AKAP13: variants seen among roughly 807,000 people sequenced by gnomAD.
AKAP13 encodes the protein A-kinase anchor protein 13.
Under a neutral mutation model 264.5 loss-of-function variants are expected in AKAP13, and 80 were observed. That is an observed-to-expected ratio of 0.30 (90% CI 0.25 to 0.36). The LOEUF (loss-of-function observed/expected upper bound fraction) is 0.36. Among genes scored for constraint, AKAP13 ranks in the 10% least tolerant of loss-of-function variants. The pLI is 1.00. For missense variants in AKAP13, 3,712 were observed against 3,435.2 expected (o/e 1.08, Z -2.01); for synonymous variants, 1,380 against 1,250.2 (o/e 1.10, Z -2.19).
chr15:85,565,914 C>A (rs1567128537), intron 5 of AKAP13, among the ~76,000 whole-genome samples: 1 of 152,212 alleles, frequency 6.6e-6, no homozygotes, highest in African/African-American at 2.4e-5. Flanking sequence ...TTGTACCAAG[C>A]CATGGTCTCT....
intron 1 of AKAP13, among the ~76,000 whole-genome samples, chr15:85,404,333 C>T (rs772510195): frequency 2.6e-5 from 4 of 152,158 alleles, no homozygotes; most frequent in Admixed American, 1.3e-4. Context: ...CCTCATTGCC[C>T]ACCGAATAAA....
rs1437085783 is a variant in AKAP13, at chr15:85,581,236, T to G, written c.3168T>G (p.Ala1056=). ...CAGATGGGTCTGATGGGTCCGATGC[T>G]CTTAACTGCAGTCAGCCTTCTCCTC... ...LLPDGSDGSD[A]LNCSQPSPLD... Residue 1056 remains alanine (A), a synonymous_variant, in exon 7 of 37, where the codon GCT becomes GCG. Coordinates refer to ENST00000394518, the MANE Select transcript of AKAP13 (RefSeq NM_007200.5). 11 of 1,614,092 alleles carry G rather than the reference T, an allele frequency of 6.8e-6. No homozygotes were observed. Among genetic ancestry groups the G allele is most frequent in the Non-Finnish European group, 9.3e-6 (11 of 1,180,018 alleles).
intron 2 of AKAP13, among the ~76,000 whole-genome samples, chr15:85,501,265 T>C (rs2151092038): frequency 6.6e-6 from 1 of 152,360 alleles, no homozygotes; most frequent in South Asian, 2.1e-4. Context: ...ACAGCCAGTA[T>C]TGTTCCTCCA....
chr15:85,497,923 G>C (rs762345503), intron 2 of AKAP13, among the ~76,000 whole-genome samples: 72 of 152,224 alleles, frequency 4.7e-4, no homozygotes, highest in South Asian at 2.7e-3. Context: ...CTGTCAAGTA[G>C]GTAGGCCTAT....
chr15:85,619,435 A>G, intron 8 of AKAP13: 1 of 985,352 alleles, frequency 1.0e-6, no homozygotes, highest in Non-Finnish European at 1.2e-6. Flanking sequence ...TTCAACTTAA[A>G]TCAAAACCAA....
chr15:85,521,382 G>A (rs2076818796), intron 2 of AKAP13, 46 bp from the exon 3 acceptor site: 2 of 1,600,740 alleles, frequency 1.2e-6, no homozygotes, highest in Non-Finnish European at 1.7e-6. Flanking sequence ...AGGCTGCGAA[G>A]AGGAACCTTA....
chr15:85,691,273 A>C (rs1036838023), intron 16 of AKAP13, among the ~76,000 whole-genome samples: 7 of 152,162 alleles, frequency 4.6e-5, no homozygotes, highest in Non-Finnish European at 7.3e-5. Context: ...GTTTGAAAGG[A>C]AATTATTTCA....
At chr15:85,449,238 G>A (rs1373235185) in intron 1 of AKAP13, among the ~76,000 whole-genome samples, 1 of 152,050 alleles carries the variant, frequency 6.6e-6, no homozygotes, top group Non-Finnish European at 1.5e-5. Context: ...GGTTGCTGTT[G>A]GTATATAGGA....
intron 8 of AKAP13, among the ~76,000 whole-genome samples, chr15:85,601,188 C>CAA (rs1480352896): frequency 3.9e-5 from 6 of 152,146 alleles, no homozygotes; most frequent in Non-Finnish European, 8.8e-5. Flanking sequence ...AAGAGTTACT[C>CAA]ATGTCAGTTT....
At chr15:85,641,270 C>G (rs2082295791) in intron 9 of AKAP13, among the ~76,000 whole-genome samples, 1 of 151,330 alleles carries the variant, frequency 6.6e-6, no homozygotes, top group Admixed American at 6.6e-5. Context: ...TATGGTGAAA[C>G]TCCCATCTCT....
At chr15:85,513,682 G>A (rs1412887542) in intron 2 of AKAP13, among the ~76,000 whole-genome samples, 1 of 152,180 alleles carries the variant, frequency 6.6e-6, no homozygotes, top group Non-Finnish European at 1.5e-5. Flanking sequence ...ATTCTCCTTT[G>A]TAATCACAGC....
At chr15:85,459,840 A>T (rs2074439424) in intron 1 of AKAP13, among the ~76,000 whole-genome samples, 1 of 152,184 alleles carries the variant, frequency 6.6e-6, no homozygotes, top group Admixed American at 6.5e-5. Context: ...TATCTAGTTA[A>T]GGTGAAAATC....
intron 2 of AKAP13, among the ~76,000 whole-genome samples, chr15:85,507,040 A>G (rs1254523064): frequency 6.6e-6 from 1 of 152,026 alleles, no homozygotes; most frequent in African/African-American, 2.4e-5. Context: ...TAGCCTTTGT[A>G]GTCTCCTCTG....
At position 85,727,695 on chromosome 15, in the gene AKAP13, T is replaced by C. The variant is rs1819912; in HGVS notation, c.7087+232T>C. The stretch of plus-strand genomic sequence containing the variant: ...TTTCCAGTACTGGATCAAGAGAATA[T>C]TGATTCTCTTGACTCAGGATCCGTG... On this transcript the variant is annotated intron_variant, in intron 29 of 36. Coordinates refer to ENST00000394518, the MANE Select transcript of AKAP13 (RefSeq NM_007200.5). This position sits in a 1 kb window ranked among gnomAD's most constrained non-coding sequence, Gnocchi z 5.3. 0.092 allele frequency among the ~76,000 whole-genome samples: 14,010 copies of C among 152,222 alleles called. 1,004 individuals are homozygous for C. Among genetic ancestry groups the C allele is most frequent in the East Asian group, 0.39 (2,003 of 5,162 alleles).
intron 1 of AKAP13, among the ~76,000 whole-genome samples, chr15:85,471,590 G>A (rs1301756620): frequency 6.6e-6 from 1 of 152,178 alleles, no homozygotes; most frequent in African/African-American, 2.4e-5. Flanking sequence ...AGGTCAGTTG[G>A]TTCTGATAAC....
chr15:85,708,231 A>G lies in AKAP13; in HGVS notation c.5532+145A>G. 1 of 697,516 alleles carries G rather than the reference A, an allele frequency of 1.4e-6. No homozygotes were observed. The highest frequency in any genetic ancestry group is 2.3e-6 in the Non-Finnish European group (1 of 438,772). The allele number at this position is 697,516 out of a possible 1,614,324, so 43.2% of individuals were successfully genotyped here. On this transcript the variant is annotated intron_variant, in intron 18 of 36. Transcript: ENST00000394518. The surrounding 1 kb of genome is among the most constrained non-coding windows in gnomAD (Gnocchi z 4.3). ...CTTTGAGAACAAATTATAACTAAAA[A>G]ATATTTTTTCTCTTAAGCGATCAAT...
chr15:85,512,722 C>T (rs568821982), intron 2 of AKAP13, among the ~76,000 whole-genome samples: 37 of 152,320 alleles, frequency 2.4e-4, no homozygotes, highest in Middle Eastern at 3.4e-3. Flanking sequence ...GTCAGCCCCT[C>T]ACCTGCAGTA....
chr15:85,737,180 A>G (rs975029842), intron 33 of AKAP13, among the ~76,000 whole-genome samples: 4 of 152,100 alleles, frequency 2.6e-5, no homozygotes, highest in South Asian at 2.1e-4. Flanking sequence ...TGGGCCTCCA[A>G]AAGTGCTGGG....
At chr15:85,499,972 TTTA>T (rs2075998749) in intron 2 of AKAP13, among the ~76,000 whole-genome samples, 1 of 152,230 alleles carries the variant, frequency 6.6e-6, no homozygotes, top group Admixed American at 6.5e-5. Flanking sequence ...GCTAGTGTTT[TTTA>T]TTGTTTCCAA....
Sources: allele counts gnomAD v4.1 joint callset (sites outside exome capture counted in the v4.1 genomes callset), GRCh38; gene constraint gnomAD v4.1.1; non-coding constraint Gnocchi (gnomAD v3.1); transcripts MANE v1.5; gene names NCBI Gene and HGNC (gene_info 2026-07-23, HGNC 2026-07-21).